Variants in ACYP2 observed in about 807,000 individuals in gnomAD.
The protein encoded by ACYP2 is acylphosphatase 2, also known as acylphosphatase-2.
Under a neutral mutation model 11.2 loss-of-function variants are expected in ACYP2, and 12 were observed. The ratio of observed to expected loss-of-function variants is 1.08; its 90% CI spans 0.69 to 1.74. The LOEUF (loss-of-function observed/expected upper bound fraction) is 1.74. Among genes scored for constraint, ACYP2 ranks in the 40% most tolerant of loss-of-function variants. The pLI is 0.00. For missense variants in ACYP2, 134 were observed against 101.9 expected, an observed-to-expected ratio of 1.31 and a Z score of -1.35; for synonymous variants, 43 against 32.2, an observed-to-expected ratio of 1.33 and a Z score of -1.13.
intron 6 of ACYP2, among the ~76,000 whole-genome samples, chr2:54,291,753 G>T (rs907935634): frequency 2.0e-5 from 3 of 152,152 alleles, no homozygotes; most frequent in African/African-American, 4.8e-5. Context: ...TACCTGGACT[G>T]ATAGTTAGGG....
chr2:54,302,857 C>G (rs758849419), intron 6 of ACYP2, among the ~76,000 whole-genome samples: 6 of 152,148 alleles, frequency 3.9e-5, no homozygotes, highest in Non-Finnish European at 7.4e-5. Context: ...GTCAGCAAAT[C>G]TACTTTTACT....
At chr2:54,161,664 TAGA>T (rs1682716758) in intron 6 of ACYP2, among the ~76,000 whole-genome samples, 1 of 152,214 alleles carries the variant, frequency 6.6e-6, no homozygotes. Context: ...GCCAAATTTT[TAGA>T]AGAAAAATAG....
intron 4 of ACYP2, among the ~76,000 whole-genome samples, chr2:54,072,125 G>A (rs963981534): frequency 1.1e-4 from 16 of 152,170 alleles, no homozygotes; most frequent in Admixed American, 2.6e-4. Context: ...ATTAAAATAA[G>A]TGCAAACCTG....
At chr2:54,147,094 C>T (rs1285029573) in intron 6 of ACYP2, among the ~76,000 whole-genome samples, 3 of 152,140 alleles carry the variant, frequency 2.0e-5, no homozygotes, top group Non-Finnish European at 4.4e-5. Context: ...CCGTGCCTGG[C>T]TGCTTTTTGC....
At chr2:54,127,457 C>T (rs1236522995) in intron 4 of ACYP2, among the ~76,000 whole-genome samples, 2 of 152,000 alleles carry the variant, frequency 1.3e-5, no homozygotes, top group Non-Finnish European at 2.9e-5. Flanking sequence ...CTGGGCTGGG[C>T]GCAGTGACTC....
In ACYP2 at chr2:54,201,630, T is replaced by TCTCTC. The variant is rs1558608697; in HGVS notation, c.404+62882_404+62883insCTCTC. On this transcript the variant is annotated intron_variant, in intron 6 of 6. Coordinates refer to ENST00000607452, the MANE Select transcript of ACYP2 (RefSeq NM_001320586.2). The stretch of plus-strand genomic sequence containing the variant: ...TTTCTTTCTTTCTTTCTTTGTTTCT[T>TCTCTC]TCTTTCTCTTTCTTTCTTTCTTTCT... 1.1e-4 allele frequency among the ~76,000 whole-genome samples: 10 copies of TCTCTC among 90,590 alleles called. No homozygotes were observed. The East Asian group carries it at 3.9e-3, about 35-fold the overall frequency. 59.4% of individuals were successfully genotyped at this position (90,590 alleles called of 152,430 possible).
intron 6 of ACYP2, among the ~76,000 whole-genome samples, chr2:54,158,734 A>C (rs922919965): frequency 6.6e-6 from 1 of 152,170 alleles, no homozygotes; most frequent in Non-Finnish European, 1.5e-5. Context: ...TACTGAGTAA[A>C]CTAAGGCCTC....
intron 6 of ACYP2, among the ~76,000 whole-genome samples, chr2:54,249,981 T>A (rs1408972030): frequency 6.6e-6 from 1 of 151,010 alleles, no homozygotes; most frequent in African/African-American, 2.4e-5. Flanking sequence ...ACTCACATAG[T>A]TTTCATCCTT....
At chr2:54,043,138 C>T (rs373210975) in intron 2 of ACYP2, among the ~76,000 whole-genome samples, 2 of 151,950 alleles carry the variant, frequency 1.3e-5, no homozygotes, top group East Asian at 1.9e-4. Flanking sequence ...TAGTTGTGTA[C>T]ACATAGAAAA....
Position 54,025,978 on chromosome 2 carries a change from G to A in ACYP2, c.63-24980G>A, listed in dbSNP as rs368918850. Among the ~76,000 whole-genome samples the A allele has an allele frequency of 3.5e-4, 53 of 152,246 alleles. 1 individual carries two copies. Among genetic ancestry groups the A allele is most frequent in the East Asian group, 2.1e-3 (11 of 5,178 alleles). Reference sequence around the variant, plus strand: ...TTAAAAATATAAAAATTAGCCAGGCGTGATGGCAGGCGCCTGTAGTCCCAG... The same window carrying A: ...TTAAAAATATAAAAATTAGCCAGGCATGATGGCAGGCGCCTGTAGTCCCAG... On this transcript the variant is annotated intron_variant, in intron 2 of 6. Transcript: ENST00000607452.
At chr2:54,231,728 C>G (rs577043120) in intron 6 of ACYP2, among the ~76,000 whole-genome samples, 1 of 152,286 alleles carries the variant, frequency 6.6e-6, no homozygotes, top group South Asian at 2.1e-4. Flanking sequence ...TAAGATGATT[C>G]CACTCAAGAG....
chr2:54,255,487 G>A (rs373884672), intron 6 of ACYP2: 5 of 1,613,798 alleles, frequency 3.1e-6, no homozygotes, highest in African/African-American at 2.7e-5. Context: ...CTGCAGGAGC[G>A]CCCTGTCAGC....
chr2:54,113,705 G>A (rs941422399), intron 4 of ACYP2, among the ~76,000 whole-genome samples: 9 of 152,144 alleles, frequency 5.9e-5, no homozygotes, highest in Non-Finnish European at 1.0e-4. Context: ...GATAGAGGAA[G>A]ATTTTGGAGA....
At chr2:53,984,378 G>A (rs1027670503) in intron 2 of ACYP2, among the ~76,000 whole-genome samples, 2 of 152,000 alleles carry the variant, frequency 1.3e-5, no homozygotes, top group African/African-American at 4.8e-5. Context: ...AGAAGTTTGA[G>A]ACTAGCCTGG....
At chr2:54,025,531 A>G (rs950319836) in intron 2 of ACYP2, among the ~76,000 whole-genome samples, 1 of 152,218 alleles carries the variant, frequency 6.6e-6, no homozygotes, top group African/African-American at 2.4e-5. Flanking sequence ...TACATGTAAA[A>G]CAATGAAACT....
intron 6 of ACYP2, among the ~76,000 whole-genome samples, chr2:54,219,192 G>A (rs1685679368): frequency 6.6e-6 from 1 of 152,194 alleles, no homozygotes; most frequent in African/African-American, 2.4e-5. Context: ...CTGAAAGATG[G>A]AGTTGACTAG....
chr2:54,091,834 G>T (rs570595008), intron 4 of ACYP2, among the ~76,000 whole-genome samples: 1 of 152,022 alleles, frequency 6.6e-6, no homozygotes, highest in African/African-American at 2.4e-5. Flanking sequence ...TTTAAATGTC[G>T]CTCTAGATAG....
intron 6 of ACYP2, among the ~76,000 whole-genome samples, chr2:54,203,449 C>T (rs1211840002): frequency 1.3e-5 from 2 of 152,130 alleles, no homozygotes; most frequent in African/African-American, 2.4e-5. Context: ...ATATGAATGA[C>T]TTTTATTTCT....
intron 4 of ACYP2, among the ~76,000 whole-genome samples, chr2:54,096,802 C>T (rs550339363): frequency 9.2e-4 from 131 of 142,288 alleles, no homozygotes; most frequent in Non-Finnish European, 1.8e-3. Flanking sequence ...AGCCTTGGCT[C>T]GGCATCAGAG....
Sources: allele counts gnomAD v4.1 joint callset (sites outside exome capture counted in the v4.1 genomes callset), GRCh38; gene constraint gnomAD v4.1.1; transcripts MANE v1.5; gene names NCBI Gene and HGNC (gene_info 2026-07-23, HGNC 2026-07-21).